The following ZAP70 variants were observed in gnomAD, a reference collection of about 807,000 sequenced individuals.
The protein encoded by ZAP70 is tyrosine-protein kinase ZAP-70.
In ZAP70, 27 loss-of-function variants were observed where a neutral mutation model predicts 65.8. That is an observed-to-expected ratio of 0.41 (90% confidence interval 0.30 to 0.57). ZAP70 has a LOEUF of 0.57. Among genes scored for constraint, ZAP70 ranks in the 20% least tolerant of loss-of-function variants. The pLI is 0.28. For missense variants in ZAP70, 696 were observed against 870.5 expected (o/e 0.80, Z 2.52); for synonymous variants, 363 against 360.8 (o/e 1.01, Z -0.07).
At chr2:97,716,842 G>T (rs553822147) in intron 2 of ZAP70, among the ~76,000 whole-genome samples, 58 of 152,202 alleles carry the variant, frequency 3.8e-4, no homozygotes, top group African/African-American at 1.4e-3. Context: ...GCATGACGGG[G>T]GCCAGCAAGT....
intron 4 of ZAP70, among the ~76,000 whole-genome samples, chr2:97,727,495 G>A (rs185913614): frequency 7.9e-4 from 120 of 152,170 alleles, no homozygotes; most frequent in Non-Finnish European, 1.3e-4. Flanking sequence ...TGTGACCCTC[G>A]CCAAGATGTT....
chr2:97,733,512 A>G (rs200585997), intron 7 of ZAP70, 32 bp from the exon 8 acceptor site: 1 of 1,613,476 alleles, frequency 6.2e-7, no homozygotes. Context: ...GGACGTCCCC[A>G]GCTCAGGCCT....
chr2:97,724,386 G>T lies in ZAP70; in HGVS notation c.350G>T (p.Cys117Phe). Residue 117 changes from cysteine to phenylalanine, a missense_variant, in exon 3 of 14, where the codon TGC (cysteine) becomes TTC (phenylalanine). Cys to Phe is a radical substitution (Grantham distance 205, BLOSUM62 -2). Transcript: ENST00000264972. Reference sequence around the variant, plus strand: ...GAGCCGCAGCCGGGGGTCTTCGACTGCCTGCGAGACGCCATGGTGCGTGAC... The same window carrying T: ...GAGCCGCAGCCGGGGGTCTTCGACTTCCTGCGAGACGCCATGGTGCGTGAC... ...GLEPQPGVFD[C>F]LRDAMVRDYV... 6.5e-7 allele frequency: 1 copy of T among 1,538,810 alleles called. No individual in the cohort carries two copies. Among genetic ancestry groups the T allele is most frequent in the Admixed American group, 1.9e-5 (1 of 53,470 alleles).
chr2:97,716,936 C>T (rs1400709746), intron 2 of ZAP70, among the ~76,000 whole-genome samples: 26 of 152,058 alleles, frequency 1.7e-4, no homozygotes, highest in Admixed American at 1.3e-3. Context: ...GAGCTTCACT[C>T]GCTGCTGAGG....
chr2:97,740,765 C>T (rs1442818776), downstream of ZAP70, among the ~76,000 whole-genome samples: 4 of 152,214 alleles, frequency 2.6e-5, no homozygotes, highest in Non-Finnish European at 5.9e-5. Context: ...TGCACGTCTC[C>T]TTTTCCGCTA....
chr2:97,738,433 C>T, intron 13 of ZAP70: 1 of 406,604 alleles, frequency 2.5e-6, no homozygotes, highest in Non-Finnish European at 4.7e-6. Flanking sequence ...CACTGACACT[C>T]AGGGCATGAG....
intron 8 of ZAP70, 27 bp downstream of exon 8, chr2:97,733,622 G>C: frequency 6.2e-7 from 1 of 1,613,322 alleles, no homozygotes; most frequent in Non-Finnish European, 8.5e-7. Flanking sequence ...GGGGACGCGG[G>C]TTGGGGCTCA....
the ZAP70 span, among the ~76,000 whole-genome samples, chr2:97,749,584 C>T: frequency 6.6e-6 from 1 of 152,194 alleles, no homozygotes; most frequent in African/African-American, 2.4e-5. Flanking sequence ...AATTAAGTTA[C>T]AGAAGGATCC....
chr2:97,724,838 A>G (rs1181593569), intron 3 of ZAP70: 1 of 1,520,448 alleles, frequency 6.6e-7, no homozygotes, highest in Admixed American at 2.0e-5. Context: ...ACCACCATGC[A>G]CAACTACCTG....
chr2:97,750,820 T>C, the ZAP70 span, among the ~76,000 whole-genome samples: 110 of 152,382 alleles, frequency 7.2e-4, no homozygotes, highest in Non-Finnish European at 1.4e-3. Flanking sequence ...AAAGCTTATA[T>C]GACTGTCCTT....
chr2:97,726,701 C>CT (rs1192171108), intron 4 of ZAP70, among the ~76,000 whole-genome samples: 1 of 152,262 alleles, frequency 6.6e-6, no homozygotes, highest in African/African-American at 2.4e-5. Context: ...CCCTACCATA[C>CT]AGATTCAGAT....
rs1359552942 is a variant in ZAP70, at chr2:97,733,175, G to A, written c.753G>A (p.Lys251=). 3 of 1,613,726 alleles carry A rather than the reference G, an allele frequency of 1.9e-6. No homozygotes were observed. The highest frequency in any genetic ancestry group is 1.3e-5 in the African/African-American group (1 of 74,924). The part of the protein sequence containing the change: ...LKADGLIYCL[K]EACPNSSASN... ...CGGACGGGCTCATCTACTGCCTGAA[G>A]GAGGCCTGCCCCAACAGCAGTGCCA... Residue 251 remains lysine, a synonymous_variant, in exon 6 of 14, where the codon AAG becomes AAA. Coordinates refer to ENST00000264972, the MANE Select transcript of ZAP70 (RefSeq NM_001079.4).
In ZAP70 at chr2:97,734,548, G is replaced by A. The variant is rs200862014; in HGVS notation, c.918G>A (p.Arg306=). The change falls in exon 9 of 14, where the codon CGG becomes CGA. Residue 306 remains arginine (R), a synonymous_variant. Transcript: ENST00000264972. ...PARITSPDKP[R]PMPMDTSVYE... is the part of the protein sequence containing the mutation. ...GCATAACGTCCCCAGACAAACCGCG[G>A]CCGATGCCCATGGACACGAGCGTGT... 62 of 1,613,944 alleles carry A rather than the reference G, an allele frequency of 3.8e-5. No homozygotes were observed. Among genetic ancestry groups the A allele is most frequent in the Non-Finnish European group, 5.3e-5 (62 of 1,180,002 alleles).
At chr2:97,735,150 C>T in intron 9 of ZAP70, 100 bp from the exon 10 acceptor site, 1 of 1,457,006 alleles carries the variant, frequency 6.9e-7, no homozygotes, top group South Asian at 1.2e-5. Flanking sequence ...AGTTGTCTAC[C>T]ACACAACTCA....
At chr2:97,732,621 G>A (rs1422795657) in intron 4 of ZAP70, 20 of 572,152 alleles carry the variant, frequency 3.5e-5, no homozygotes, top group East Asian at 1.5e-4. Context: ...GGTATTCCCC[G>A]TGAATGGCCA....
At chr2:97,719,242 G>A (rs1312283887) in intron 2 of ZAP70, among the ~76,000 whole-genome samples, 3 of 151,742 alleles carry the variant, frequency 2.0e-5, no homozygotes, top group African/African-American at 7.3e-5. Context: ...AGGAGATGAT[G>A]CCAGCACCAA....
Position 97,736,640 on chromosome 2 carries a change from G to T in ZAP70, c.1290-833G>T, listed in dbSNP as rs1170734634. 6.6e-6 allele frequency among the ~76,000 whole-genome samples: 1 copy of T among 152,208 alleles called. No homozygotes were observed. The highest frequency in any genetic ancestry group is 2.4e-5 in the African/African-American group (1 of 41,442). ...GCTCCAGGGGGTTGGGAGTGTTGGG[G>T]TGCGAGGTGCAGTGAGCAGGGAGGT... is the stretch of plus-strand genomic sequence containing the variant. On this transcript the variant is annotated intron_variant, in intron 10 of 13. Transcript: ENST00000264972. This position sits in a 1 kb window ranked among gnomAD's most constrained non-coding sequence, Gnocchi z 4.0.
the ZAP70 span, among the ~76,000 whole-genome samples, chr2:97,750,990 G>A: frequency 0.024 from 3,666 of 152,296 alleles, 81 homozygotes; most frequent in Non-Finnish European, 0.035. Context: ...TGCATGAAGA[G>A]CAAATCAAGG....
chr2:97,724,053 C>A lies in ZAP70; in HGVS notation c.17C>A (p.Ala6Glu), dbSNP rs765386540. Residue 6 changes from alanine (A) to glutamate (E), a missense_variant, in exon 3 of 14, where the codon GCG (alanine) becomes GAG (glutamate). Coordinates refer to ENST00000264972, the MANE Select transcript of ZAP70 (RefSeq NM_001079.4). MPDPA[A>E]HLPFFYGSIS... ...CCAGGGGCGATGCCAGACCCCGCGG[C>A]GCACCTGCCCTTCTTCTACGGCAGC... 2 of 1,553,974 alleles carry A rather than the reference C, an allele frequency of 1.3e-6. No individual in the cohort carries two copies. Among genetic ancestry groups the A allele is most frequent in the East Asian group, 2.4e-5 (1 of 41,974 alleles).
Sources: gnomAD v4.1 joint callset for allele counts (sites outside exome capture counted in the v4.1 genomes callset) on GRCh38, gnomAD v4.1.1 for gene constraint, Gnocchi (gnomAD v3.1) non-coding constraint, MANE v1.5 for transcripts, NCBI Gene and HGNC (gene_info 2026-07-23, HGNC 2026-07-21) for gene names.